LRRFIP2: variants seen among roughly 807,000 people sequenced by gnomAD.
LRRFIP2 encodes the protein leucine-rich repeat flightless-interacting protein 2.
A neutral mutation model predicts 125.9 loss-of-function variants in LRRFIP2; 109 were observed. The ratio of observed to expected loss-of-function variants is 0.87; its 90% CI spans 0.74 to 1.01. The LOEUF (loss-of-function observed/expected upper bound fraction) is 1.01, where lower values mean the gene tolerates loss of function less well. Ranked by LOEUF, LRRFIP2 falls within the 50% of genes least tolerant of loss-of-function variation. The pLI is 0.00. For missense variants in LRRFIP2, 850 were observed against 862.3 expected (o/e 0.99, Z 0.18); for synonymous variants, 291 against 293.1 (o/e 0.99, Z 0.07).
intron 21 of LRRFIP2, 129 bp from the exon 22 acceptor site, chr3:37,066,454 G>A: frequency 1.4e-6 from 1 of 727,170 alleles, no homozygotes; most frequent in Non-Finnish European, 2.5e-6. Context: ...TCAAAAGATT[G>A]GAAACAAACA....
chr3:37,098,036 T>C (rs936334653), intron 15 of LRRFIP2, among the ~76,000 whole-genome samples: 6 of 152,160 alleles, frequency 3.9e-5, no homozygotes, highest in African/African-American at 1.2e-4. Flanking sequence ...CTCAGAACAC[T>C]TCACCCTAAC....
intron 22 of LRRFIP2, 112 bp downstream of exon 22, chr3:37,066,112 G>T: frequency 7.7e-7 from 1 of 1,304,336 alleles, no homozygotes; most frequent in Non-Finnish European, 1.1e-6. Flanking sequence ...ATCTGGATTA[G>T]AGAATAAACA....
At chr3:37,171,241 T>C (rs1187912695) in intron 1 of LRRFIP2, among the ~76,000 whole-genome samples, 3 of 152,220 alleles carry the variant, frequency 2.0e-5, no homozygotes, top group Non-Finnish European at 4.4e-5. Flanking sequence ...AAAATGTCCT[T>C]TATAACTCCC....
At chr3:37,062,968 G>A (rs896920698) in intron 24 of LRRFIP2, among the ~76,000 whole-genome samples, 7 of 152,116 alleles carry the variant, frequency 4.6e-5, no homozygotes, top group Admixed American at 3.9e-4. Flanking sequence ...TGTACCGAGA[G>A]GGCAAGTCAC....
chr3:37,076,920 A>C (rs2092126353), intron 19 of LRRFIP2, among the ~76,000 whole-genome samples: 1 of 152,164 alleles, frequency 6.6e-6, no homozygotes, highest in Non-Finnish European at 1.5e-5. Context: ...TGCATAGAAT[A>C]ATAAGCTACG....
rs186266647 is a variant in LRRFIP2 at position 37,144,804 on chromosome 3, A to G, written c.90+4090T>C. Among the ~76,000 whole-genome samples, 21 of 152,332 alleles carry G rather than the reference A, an allele frequency of 1.4e-4. No individual in the cohort carries two copies. In the East Asian group the frequency reaches 4.0e-3, roughly 29 times the overall value. On this transcript the variant is annotated intron_variant, in intron 2 of 27. Transcript: ENST00000336686. ...ACATATGTTCCATAACATAAAACCT[A>G]TGCAACTGGCATGGACAAAAGAGAG...
At chr3:37,172,639 AT>A (rs1417425104) in intron 1 of LRRFIP2, 6 of 152,120 alleles carry the variant, frequency 3.9e-5, no homozygotes, top group African/African-American at 1.4e-4. Context: ...CCCTTCCCTA[AT>A]TATCTCTACT....
At chr3:37,074,991 A>T (rs1231339205) in intron 20 of LRRFIP2, 33 bp downstream of exon 20, 2 of 1,495,104 alleles carry the variant, frequency 1.3e-6, no homozygotes, top group Admixed American at 1.7e-5. Flanking sequence ...ATTTTTTTTC[A>T]AAATTAAGTA....
intron 17 of LRRFIP2, chr3:37,093,332 C>T (rs1486986242): frequency 1.3e-5 from 2 of 152,748 alleles, no homozygotes; most frequent in South Asian, 2.1e-4. Flanking sequence ...GTCCTGGACT[C>T]TCCTCTCACC....
intron 1 of LRRFIP2, among the ~76,000 whole-genome samples, chr3:37,165,877 A>G (rs1475866067): frequency 2.0e-5 from 3 of 151,208 alleles, no homozygotes; most frequent in African/African-American, 7.3e-5. Flanking sequence ...GAAAGAAGAA[A>G]AAACTCAAAA....
rs750559306 is a variant in LRRFIP2, at chr3:37,115,057, T to C, written c.369A>G (p.Ser123=). ...CACAAAGTCATGTGCTACATACTAA[T>C]GATGAAAGTCTTGATGATCTATCCT... ...MFKDRSSRLS[S]LNHSYSHSHG... is the part of the protein sequence containing the mutation. The change falls in exon 7 of 28, where the codon TCA becomes TCG. Residue 123 remains serine, a synonymous_variant. Transcript: ENST00000336686. 11 of 1,605,426 alleles carry C rather than the reference T, an allele frequency of 6.9e-6. No homozygotes were observed. The East Asian group carries it at 2.2e-4, about 33-fold the overall frequency.
At chr3:37,167,829 G>C (rs980940875) in intron 1 of LRRFIP2, among the ~76,000 whole-genome samples, 25 of 152,140 alleles carry the variant, frequency 1.6e-4, no homozygotes, top group African/African-American at 5.3e-4. Context: ...ACAAAAATTA[G>C]CCAGGCATGG....
At position 37,063,795 on chromosome 3, in the gene LRRFIP2, A is replaced by G. The variant is rs1456234759; in HGVS notation, c.1700-4T>C. 1 of 1,608,378 alleles carries G rather than the reference A, an allele frequency of 6.2e-7. No homozygotes were observed. Among genetic ancestry groups the G allele is most frequent in the South Asian group, 1.1e-5 (1 of 90,908 alleles). On this transcript the variant is annotated splice_polypyrimidine_tract_variant and splice_region_variant and intron_variant, in intron 23 of 27. Transcript: ENST00000336686. ...GCAAGTTTTCGTAGCCTTACATCTA[A>G]AACAAATGAAAAAGATCATAAACTA...
intron 1 of LRRFIP2, among the ~76,000 whole-genome samples, chr3:37,169,179 G>C (rs1334707616): frequency 6.6e-6 from 1 of 152,008 alleles, no homozygotes; most frequent in Admixed American, 6.6e-5. Flanking sequence ...ATTACCTAAT[G>C]ATGCATTTCC....
intron 1 of LRRFIP2, among the ~76,000 whole-genome samples, chr3:37,154,161 G>C (rs985016054): frequency 1.3e-5 from 2 of 152,098 alleles, no homozygotes; most frequent in Admixed American, 6.6e-5. Context: ...GGGTGACAGA[G>C]GGAGACCCTG....
rs769859790 is a variant in LRRFIP2 at position 37,109,546 on chromosome 3, A to G, written c.590T>C (p.Leu197Pro). Residue 197 changes from leucine (L) to proline (P), a missense_variant, in exon 11 of 28, where the codon CTG (leucine) becomes CCG (proline). Physicochemically the swap from Leu to Pro is moderately conservative, Grantham distance 98. Coordinates refer to ENST00000336686, the MANE Select transcript of LRRFIP2 (RefSeq NM_006309.4). ...ACAAACCAGACTGGCACTTCTCAGC[A>G]GACCAGAATTTGCAGTAGGAGAGGC... ...DRASPTANSG[L>P]LRSASLASLY... The G allele has an allele frequency of 1.5e-5, 24 of 1,613,968 alleles. No individual in the cohort carries two copies. The East Asian group carries it at 5.1e-4, about 34-fold the overall frequency.
At chr3:37,160,071 A>G (rs2096295730) in intron 1 of LRRFIP2, among the ~76,000 whole-genome samples, 1 of 148,988 alleles carries the variant, frequency 6.7e-6, no homozygotes, top group African/African-American at 2.5e-5. Flanking sequence ...TCCCCTTTCC[A>G]TTGCTAGGCT....
chr3:37,144,958 T>C (rs1314954705), intron 2 of LRRFIP2, among the ~76,000 whole-genome samples: 1 of 152,194 alleles, frequency 6.6e-6, no homozygotes, highest in East Asian at 1.9e-4. Context: ...GTTCACTGTG[T>C]TTAATTTTGT....
chr3:37,115,144 T>C (rs377602067), intron 6 of LRRFIP2, 49 bp from the exon 7 acceptor site: 29 of 1,327,020 alleles, frequency 2.2e-5, no homozygotes, highest in Non-Finnish European at 9.7e-6. Flanking sequence ...AATTCAGAAA[T>C]ATAAAGAAGA....
Sources: allele counts gnomAD v4.1 joint callset (sites outside exome capture counted in the v4.1 genomes callset), GRCh38; gene constraint gnomAD v4.1.1; transcripts MANE v1.5; gene names NCBI Gene and HGNC (gene_info 2026-07-23, HGNC 2026-07-21).